Variants in XXYLT1 observed in about 807,000 individuals in gnomAD.
The protein encoded by XXYLT1 is UDP-xylose:alpha-xyloside alpha-1,3-xylosyltransferase.
Under a neutral mutation model 28.9 loss-of-function variants are expected in XXYLT1, and 20 were observed. The observed-to-expected ratio is 0.69, with a 90% CI of 0.49 to 1.00. XXYLT1 has a LOEUF of 1.00. XXYLT1 is among the 50% of genes least tolerant of loss of function. The probability of loss-of-function intolerance (pLI) is 0.00; values close to 1 mark genes in which losing one functional copy is unlikely to be tolerated. For missense variants in XXYLT1, 542 were observed against 560.1 expected (o/e 0.97, Z 0.33); for synonymous variants, 257 against 253.8 (o/e 1.01, Z -0.12).
At chr3:195,196,133 A>T (rs958495740) in intron 2 of XXYLT1, among the ~76,000 whole-genome samples, 1 of 152,256 alleles carries the variant, frequency 6.6e-6, no homozygotes. Flanking sequence ...GCACTGTCCA[A>T]TAGAGTAGCT....
intron 3 of XXYLT1, among the ~76,000 whole-genome samples, chr3:195,102,855 T>C (rs1226625478): frequency 6.6e-6 from 1 of 152,186 alleles, no homozygotes; most frequent in Non-Finnish European, 1.5e-5. Flanking sequence ...AGTCATATAG[T>C]AGTTCTAGTT....
intron 3 of XXYLT1, among the ~76,000 whole-genome samples, chr3:195,118,778 A>G (rs977524053): frequency 6.6e-6 from 1 of 152,202 alleles, no homozygotes; most frequent in African/African-American, 2.4e-5. Flanking sequence ...AATCCCAGAA[A>G]CAGCTTTCAC....
intron 2 of XXYLT1, among the ~76,000 whole-genome samples, chr3:195,225,107 G>A (rs1004630129): frequency 2.0e-5 from 3 of 152,194 alleles, no homozygotes; most frequent in Admixed American, 6.5e-5. Context: ...GGCAGGTCTT[G>A]CAACTCCTCA....
At chr3:195,212,655 G>A (rs1169907794) in intron 2 of XXYLT1, among the ~76,000 whole-genome samples, 3 of 152,186 alleles carry the variant, frequency 2.0e-5, no homozygotes, top group African/African-American at 7.2e-5. Context: ...CTGCGCATGC[G>A]AGGGATCTAG....
intron 3 of XXYLT1, chr3:195,122,157 C>T: frequency 1.4e-6 from 1 of 703,026 alleles, no homozygotes; most frequent in South Asian, 1.5e-5. Context: ...CAGAGCTCTT[C>T]AGGGTCTCTT....
intron 2 of XXYLT1, among the ~76,000 whole-genome samples, chr3:195,178,940 G>A (rs887842011): frequency 1.3e-5 from 2 of 152,236 alleles, no homozygotes; most frequent in Non-Finnish European, 2.9e-5. Context: ...AAATATGTCT[G>A]AAGATGGAAG....
intron 3 of XXYLT1, chr3:195,147,123 T>A (rs1719894768): frequency 6.5e-6 from 1 of 153,804 alleles, no homozygotes; most frequent in Non-Finnish European, 1.5e-5. Context: ...ACTGACTCAG[T>A]GTTGACACCG....
rs150035528 is a variant in XXYLT1 at position 195,253,347 on chromosome 3, C to T, written c.504+17208G>A. Among the ~76,000 whole-genome samples, 624 of 152,188 alleles carry T rather than the reference C, an allele frequency of 4.1e-3. 1 individual carries two copies. The highest frequency in any genetic ancestry group is 0.014 in the African/African-American group (579 of 41,514). On this transcript the variant is annotated intron_variant, in intron 1 of 3. Coordinates refer to ENST00000310380, the MANE Select transcript of XXYLT1 (RefSeq NM_152531.5). ...CAGCTCCAGAAATCAGGAGGCGAAG[C>T]GGCAAGATCCCGTTTCATTTCCCAA... is the stretch of plus-strand genomic sequence containing the variant.
chr3:195,224,613 C>G (rs1166438840), intron 2 of XXYLT1, among the ~76,000 whole-genome samples: 1 of 152,188 alleles, frequency 6.6e-6, no homozygotes, highest in Non-Finnish European at 1.5e-5. Context: ...GGGTACTCCA[C>G]AGCATAACCC....
intron 3 of XXYLT1, among the ~76,000 whole-genome samples, chr3:195,106,926 C>A (rs1476425724): frequency 6.6e-6 from 1 of 152,180 alleles, no homozygotes; most frequent in Non-Finnish European, 1.5e-5. Context: ...ACACTTGGAG[C>A]CCTGGACATC....
chr3:195,270,484 G>A (rs1577215636), intron 1 of XXYLT1, 71 bp downstream of exon 1: 4 of 1,349,106 alleles, frequency 3.0e-6, no homozygotes, highest in Non-Finnish European at 3.8e-6. Flanking sequence ...ATCCCCTCCG[G>A]GAGCGCAAAC....
rs899465477 is a variant in XXYLT1, at chr3:195,180,580, A to G, written c.653-23999T>C. 3.4e-5 allele frequency: 33 copies of G among 984,402 alleles called. No homozygotes were observed. In the African/African-American group the frequency reaches 5.4e-4, roughly 16 times the overall value. The allele number at this position is 984,402 out of a possible 1,614,324, so 61.0% of individuals were successfully genotyped here. On this transcript the variant is annotated intron_variant, in intron 2 of 3. Coordinates refer to ENST00000310380, the MANE Select transcript of XXYLT1 (RefSeq NM_152531.5). This position sits in a 1 kb window ranked among gnomAD's most constrained non-coding sequence, Gnocchi z 5.8. ...GAGGCCAGACCCTAAGGCCCTTCCC[A>G]GCCCTCTCCAGAGCGTGATGTGGCC... is the stretch of plus-strand genomic sequence containing the variant.
intron 2 of XXYLT1, chr3:195,207,598 C>G (rs1166359323): frequency 2.5e-6 from 1 of 396,658 alleles, no homozygotes; most frequent in East Asian, 7.4e-5. Context: ...CTTCACAGCT[C>G]TCTCTGTGCT....
chr3:195,088,367 G>T (rs977717398), intron 3 of XXYLT1, among the ~76,000 whole-genome samples: 2 of 147,624 alleles, frequency 1.4e-5, no homozygotes, highest in East Asian at 2.1e-4. Flanking sequence ...CCTCAAGTGG[G>T]TCCCTGACCC....
chr3:195,177,654 G>A (rs915503254), intron 2 of XXYLT1, among the ~76,000 whole-genome samples: 3 of 152,054 alleles, frequency 2.0e-5, no homozygotes, highest in African/African-American at 4.8e-5. Context: ...GGCCAGGTAC[G>A]GTGGCTCACA....
chr3:195,119,155 G>A (rs532244828), intron 3 of XXYLT1, among the ~76,000 whole-genome samples: 7 of 112,000 alleles, frequency 6.3e-5, no homozygotes, highest in African/African-American at 1.9e-4. Flanking sequence ...GTGGTGGCAC[G>A]CGCCTGTAAT....
chr3:195,074,497 A>T (rs1715006679), intron 3 of XXYLT1, among the ~76,000 whole-genome samples: 1 of 152,064 alleles, frequency 6.6e-6, no homozygotes, highest in South Asian at 2.1e-4. Flanking sequence ...CGTGGAAGGG[A>T]CCTTGTTTTC....
At chr3:195,181,283 G>A (rs753626539) in intron 2 of XXYLT1, among the ~76,000 whole-genome samples, 14 of 152,280 alleles carry the variant, frequency 9.2e-5, no homozygotes, top group South Asian at 6.2e-4. Context: ...GCGTGGCTGC[G>A]TGGCTGCGGG....
rs547776801 is a variant in XXYLT1, at chr3:195,203,036, T to C, written c.652+23673A>G. ...GTTGTCCAGACTGGGCTTGAACTCC[T>C]GGCCTCAAGCAATCCTACTGCCTCG... On this transcript the variant is annotated intron_variant, in intron 2 of 3. Transcript: ENST00000310380. Among the ~76,000 whole-genome samples, 7 of 152,304 alleles carry C rather than the reference T, an allele frequency of 4.6e-5. 1 individual carries two copies. The highest frequency in any genetic ancestry group is 1.7e-4 in the African/African-American group (7 of 41,578).
Sources: gnomAD v4.1 joint callset for allele counts (sites outside exome capture counted in the v4.1 genomes callset) on GRCh38, gnomAD v4.1.1 for gene constraint, Gnocchi (gnomAD v3.1) non-coding constraint, MANE v1.5 for transcripts, NCBI Gene and HGNC (gene_info 2026-07-23, HGNC 2026-07-21) for gene names.